GRB2: variants seen among roughly 807,000 people sequenced by gnomAD.
The protein encoded by GRB2 is growth factor receptor bound protein 2.
GRB2 carries 2 observed loss-of-function variants against 27.4 expected under a neutral mutation model. That is an observed-to-expected ratio of 0.07 (90% CI 0.03 to 0.23). The LOEUF (loss-of-function observed/expected upper bound fraction) is 0.23. Ranked by LOEUF, GRB2 falls within the 10% of genes least tolerant of loss-of-function variation. The probability of loss-of-function intolerance (pLI) is 1.00; values close to 1 mark genes in which losing one functional copy is unlikely to be tolerated. For missense variants in GRB2, 102 were observed against 282.4 expected (o/e 0.36, Z 4.58); for synonymous variants, 94 against 99.6 (o/e 0.94, Z 0.33).
intron 1 of GRB2, among the ~76,000 whole-genome samples, chr17:75,398,086 G>A (rs2079039958): frequency 6.6e-6 from 1 of 151,754 alleles, no homozygotes. Context: ...GCCTCCCAAA[G>A]TGCTGGGATT....
At chr17:75,377,319 G>A (rs2078900416) in intron 2 of GRB2, among the ~76,000 whole-genome samples, 1 of 151,906 alleles carries the variant, frequency 6.6e-6, no homozygotes, top group Non-Finnish European at 1.5e-5. Context: ...GAGACCCCAT[G>A]TTTATTGCAA....
Position 75,320,576 on chromosome 17 carries a change from ACCCACATTGCATT to A in GRB2, c.469-36_469-24del, listed in dbSNP as rs2078451768. The A allele has an allele frequency of 3.8e-6, 6 of 1,597,944 alleles. No individual in the cohort carries two copies. The highest frequency in any genetic ancestry group is 2.7e-5 in the African/African-American group (2 of 74,334). ...CTGCTGCAAAACAGGAGCAGGAAAA[ACCCACATTGCATT>A]CCTGGTCTGTGACTGGCCACCTCCG... On this transcript the variant is annotated intron_variant, in intron 5 of 5. Transcript: ENST00000316804. This position sits in a 1 kb window ranked among gnomAD's most constrained non-coding sequence, Gnocchi z 4.3.
intron 2 of GRB2, 117 bp downstream of exon 2, chr17:75,393,434 G>T: frequency 1.2e-6 from 1 of 814,078 alleles, no homozygotes. Context: ...AAATATGATG[G>T]TAAATGTTAA....
intron 2 of GRB2, among the ~76,000 whole-genome samples, chr17:75,364,449 G>T (rs1478280182): frequency 6.6e-6 from 1 of 152,062 alleles, no homozygotes; most frequent in Non-Finnish European, 1.5e-5. Context: ...TTTTACAGAT[G>T]AAGAATCTAA....
At chr17:75,371,883 T>G (rs1240311720) in intron 2 of GRB2, 1 of 152,150 alleles carries the variant, frequency 6.6e-6, no homozygotes, top group Non-Finnish European at 1.5e-5. Flanking sequence ...TGGAACACTG[T>G]AGAGCTTTCT....
At position 75,393,488 on chromosome 17, in the gene GRB2, C is replaced by T. The variant is rs549563262; in HGVS notation, c.78+63G>A. Reference sequence around the variant, plus strand: ...ACAGCTTCTTTGTGTGTAATCAGGGCGAAAGAAGGTGGGTGAGCACAGGGA... The same window carrying T: ...ACAGCTTCTTTGTGTGTAATCAGGGTGAAAGAAGGTGGGTGAGCACAGGGA... On this transcript the variant is annotated intron_variant, in intron 2 of 5. Coordinates refer to ENST00000316804, the MANE Select transcript of GRB2 (RefSeq NM_002086.5). The T allele has an allele frequency of 4.8e-6, 6 of 1,254,142 alleles. No individual in the cohort carries two copies. The East Asian group carries it at 9.3e-5, about 19-fold the overall frequency. 77.7% of individuals were successfully genotyped at this position (1,254,142 alleles called of 1,614,324 possible).
chr17:75,388,508 C>A (rs577005345), intron 2 of GRB2, among the ~76,000 whole-genome samples: 1 of 150,232 alleles, frequency 6.7e-6, no homozygotes, highest in Non-Finnish European at 1.5e-5. Context: ...ATGGCTCACA[C>A]CTGTAATCCC....
chr17:75,355,815 TC>T (rs373849061), intron 2 of GRB2, among the ~76,000 whole-genome samples: 1 of 141,946 alleles, frequency 7.0e-6, no homozygotes, highest in Non-Finnish European at 1.5e-5. Flanking sequence ...TTTCCTTTCT[TC>T]TTTTTTTTTT....
chr17:75,391,863 TTTTAA>T (rs2079001160), intron 2 of GRB2, among the ~76,000 whole-genome samples: 1 of 151,978 alleles, frequency 6.6e-6, no homozygotes, highest in African/African-American at 2.4e-5. Flanking sequence ...CCTAGTTTTG[TTTTAA>T]TTTGTTGCTT....
chr17:75,332,729 G>C lies in GRB2; in HGVS notation c.147C>G (p.Pro49=), dbSNP rs747975063. Residue 49 remains proline, a synonymous_variant, in exon 3 of 6, where the codon CCC becomes CCG. Coordinates refer to ENST00000316804, the MANE Select transcript of GRB2 (RefSeq NM_002086.5). ...AELNGKDGFI[P]KNYIEMKPHP... ...GTGGTTTCATTTCTATGTAGTTCTTGGGAATGAAGCCGTCTTTTCCATTAA... is the reference window on the plus strand; with the variant it reads ...GTGGTTTCATTTCTATGTAGTTCTTCGGAATGAAGCCGTCTTTTCCATTAA... The C allele has an allele frequency of 1.9e-6, 3 of 1,609,742 alleles. No individual in the cohort carries two copies.
At chr17:75,391,640 C>A (rs1232636190) in intron 2 of GRB2, among the ~76,000 whole-genome samples, 1 of 151,990 alleles carries the variant, frequency 6.6e-6, no homozygotes, top group Non-Finnish European at 1.5e-5. Flanking sequence ...AATCCCATCT[C>A]CACTAAAAAT....
intron 2 of GRB2, among the ~76,000 whole-genome samples, chr17:75,355,725 C>A (rs982207939): frequency 3.3e-5 from 5 of 151,458 alleles, no homozygotes; most frequent in African/African-American, 1.2e-4. Flanking sequence ...TGGGGCTGGA[C>A]AAGTTTGACC....
At chr17:75,373,979 TAG>T (rs756777944) in intron 2 of GRB2, among the ~76,000 whole-genome samples, 11 of 151,686 alleles carry the variant, frequency 7.3e-5, no homozygotes, top group Non-Finnish European at 1.5e-4. Context: ...GCATTTTTAG[TAG>T]AGACAGGGTT....
intron 2 of GRB2, among the ~76,000 whole-genome samples, chr17:75,379,542 G>A (rs915031451): frequency 2.6e-5 from 4 of 152,056 alleles, no homozygotes; most frequent in African/African-American, 9.7e-5. Flanking sequence ...GGAACTACAG[G>A]CATGCACCAC....
At chr17:75,349,890 ATAAGT>A (rs1489707516) in intron 2 of GRB2, among the ~76,000 whole-genome samples, 1 of 152,074 alleles carries the variant, frequency 6.6e-6, no homozygotes, top group Non-Finnish European at 1.5e-5. Context: ...AAAGATGAAA[ATAAGT>A]TAATACTTAG....
intron 2 of GRB2, among the ~76,000 whole-genome samples, chr17:75,351,634 C>A (rs1313929108): frequency 1.3e-5 from 2 of 151,334 alleles, no homozygotes; most frequent in African/African-American, 2.4e-5. Flanking sequence ...ATCTGGGTGA[C>A]AGAGCAAGAC....
intron 2 of GRB2, among the ~76,000 whole-genome samples, chr17:75,384,389 C>T (rs1184601354): frequency 6.6e-6 from 1 of 152,182 alleles, no homozygotes; most frequent in Non-Finnish European, 1.5e-5. Flanking sequence ...AAACTGATAG[C>T]TGGGCATGGT....
At chr17:75,346,577 CCTTT>C (rs1043044277) in intron 2 of GRB2, among the ~76,000 whole-genome samples, 3 of 95,836 alleles carry the variant, frequency 3.1e-5, no homozygotes, top group African/African-American at 7.2e-5. Context: ...GCTTTTCTTG[CCTTT>C]TTTTTTTTTT....
chr17:75,365,231 C>A (rs1195611223), intron 2 of GRB2, among the ~76,000 whole-genome samples: 1 of 152,090 alleles, frequency 6.6e-6, no homozygotes, highest in Non-Finnish European at 1.5e-5. Context: ...TGGGAAAAGT[C>A]CATCAAGGGG....
Sources: gnomAD v4.1 joint callset for allele counts (sites outside exome capture counted in the v4.1 genomes callset) on GRCh38, gnomAD v4.1.1 for gene constraint, Gnocchi (gnomAD v3.1) non-coding constraint, MANE v1.5 for transcripts, NCBI Gene and HGNC (gene_info 2026-07-23, HGNC 2026-07-21) for gene names.